Variants in DPYD observed in about 807,000 individuals in gnomAD.
DPYD encodes the protein dihydropyrimidine dehydrogenase.
DPYD carries 109 observed loss-of-function variants against 116.2 expected under a neutral mutation model. That is an observed-to-expected ratio of 0.94 (90% confidence interval 0.80 to 1.10). The LOEUF (loss-of-function observed/expected upper bound fraction) is 1.10. Among genes scored for constraint, DPYD ranks in the 50% least tolerant of loss-of-function variants. DPYD has a pLI of 0.00. For missense variants in DPYD, 1,302 were observed against 1,254.5 expected (o/e 1.04, Z -0.57); for synonymous variants, 440 against 432.0 (o/e 1.02, Z -0.23).
intron 12 of DPYD, chr1:97,545,695 A>G (rs375231311): frequency 1.7e-5 from 15 of 877,710 alleles, no homozygotes; most frequent in Non-Finnish European, 2.5e-5. Flanking sequence ...CTGTGAAACT[A>G]AAAACTGCCA....
At chr1:97,240,338 ACTAAATCCTT>A (rs1331340995) in intron 18 of DPYD, among the ~76,000 whole-genome samples, 2 of 151,990 alleles carry the variant, frequency 1.3e-5, no homozygotes, top group African/African-American at 4.8e-5. Flanking sequence ...ACTTCGCATG[ACTAAATCCTT>A]GAAGAAAAAA....
chr1:97,831,969 T>C (rs778637602), intron 2 of DPYD, among the ~76,000 whole-genome samples: 4 of 151,744 alleles, frequency 2.6e-5, no homozygotes. Flanking sequence ...CTCTAATTAA[T>C]TGGTAGAAAA....
At chr1:97,511,874 ATACAACAATCTAAG>A (rs1209035642) in intron 13 of DPYD, among the ~76,000 whole-genome samples, 1 of 151,956 alleles carries the variant, frequency 6.6e-6, no homozygotes, top group Non-Finnish European at 1.5e-5. Flanking sequence ...TTAAAGGCTT[ATACAACAATCTAAG>A]TCTTAAACCA....
chr1:97,809,243 T>A (rs183791455), intron 3 of DPYD, among the ~76,000 whole-genome samples: 1 of 152,188 alleles, frequency 6.6e-6, no homozygotes, highest in African/African-American at 2.4e-5. Flanking sequence ...CATTCTGAAA[T>A]TATCTGCAAT....
chr1:97,755,222 C>T (rs1303966651), intron 3 of DPYD, among the ~76,000 whole-genome samples: 1 of 152,130 alleles, frequency 6.6e-6, no homozygotes, highest in East Asian at 1.9e-4. Flanking sequence ...CTGCTCTAGT[C>T]TCCCCTAGAA....
intron 14 of DPYD, among the ~76,000 whole-genome samples, chr1:97,429,845 T>A (rs1261508350): frequency 1.3e-5 from 2 of 152,082 alleles, no homozygotes; most frequent in East Asian, 1.9e-4. Context: ...TTTCTCTGGA[T>A]TTAAGAGGAA....
chr1:97,672,992 C>A (rs927568284), intron 8 of DPYD, among the ~76,000 whole-genome samples: 1 of 152,056 alleles, frequency 6.6e-6, no homozygotes, highest in African/African-American at 2.4e-5. Context: ...AAGACTAATT[C>A]TTCTTGAGTA....
At chr1:97,557,384 T>C (rs1570955751) in intron 11 of DPYD, among the ~76,000 whole-genome samples, 1 of 143,000 alleles carries the variant, frequency 7.0e-6, no homozygotes, top group African/African-American at 2.6e-5. Context: ...CTCCGCTCAC[T>C]GTAACCTCCA....
intron 13 of DPYD, among the ~76,000 whole-genome samples, chr1:97,484,243 G>A (rs959409791): frequency 7.9e-5 from 12 of 152,212 alleles, no homozygotes; most frequent in African/African-American, 2.9e-4. Context: ...GGTGGAGGTT[G>A]CAGTGAGCGG....
intron 20 of DPYD, among the ~76,000 whole-genome samples, chr1:97,134,308 G>T (rs1653616091): frequency 6.6e-6 from 1 of 151,746 alleles, no homozygotes; most frequent in Non-Finnish European, 1.5e-5. Flanking sequence ...ATAAATATTT[G>T]CTTTCCTCTG....
Position 97,679,149 on chromosome 1 carries a change from T to C in DPYD, c.796A>G (p.Met266Val), listed in dbSNP as rs1430812531. 1.3e-6 allele frequency: 2 copies of C among 1,590,240 alleles called. No individual in the cohort carries two copies. Among genetic ancestry groups the C allele is most frequent in the Non-Finnish European group, 1.7e-6 (2 of 1,165,970 alleles). ...ICGKSLSVNE[M>V]TLSTLKEKGY... ...TTTTCTTTCAAAGTGCTAAGAGTCA[T>C]TTCATTCACTGAAAGGCTTTTACCG... The change falls in exon 8 of 23, where the codon ATG becomes GTG. Residue 266 changes from methionine to valine, a missense_variant. Physicochemically the swap from Met to Val is conservative, Grantham distance 21. Coordinates refer to ENST00000370192, the MANE Select transcript of DPYD (RefSeq NM_000110.4).
At chr1:97,913,483 G>T (rs1674065354) in intron 1 of DPYD, among the ~76,000 whole-genome samples, 1 of 152,084 alleles carries the variant, frequency 6.6e-6, no homozygotes, top group South Asian at 2.1e-4. Flanking sequence ...TTCCCACAAG[G>T]TCAGAGAGCA....
chr1:97,133,746 T>G (rs1275043738), intron 20 of DPYD, among the ~76,000 whole-genome samples: 1 of 151,654 alleles, frequency 6.6e-6, no homozygotes, highest in Non-Finnish European at 1.5e-5. Context: ...ACCTGTAATC[T>G]CAGCACTTTG....
At chr1:97,101,567 G>GT (rs1418301100) in intron 20 of DPYD, among the ~76,000 whole-genome samples, 2 of 151,332 alleles carry the variant, frequency 1.3e-5, no homozygotes, top group Admixed American at 1.3e-4. Flanking sequence ...GTTGGCCACT[G>GT]TGTGTGTGTG....
At chr1:97,681,038 C>G (rs1171089970) in intron 7 of DPYD, among the ~76,000 whole-genome samples, 3 of 152,106 alleles carry the variant, frequency 2.0e-5, no homozygotes, top group African/African-American at 7.2e-5. Context: ...GTAATTACAG[C>G]TACACTGAAT....
chr1:97,859,519 T>A (rs995323435), intron 2 of DPYD, among the ~76,000 whole-genome samples: 1 of 152,128 alleles, frequency 6.6e-6, no homozygotes, highest in Non-Finnish European at 1.5e-5. Flanking sequence ...AAACTGCATG[T>A]TTTTTACAAG....
At chr1:97,515,049 A>C (rs1380950868) in intron 13 of DPYD, among the ~76,000 whole-genome samples, 1 of 151,956 alleles carries the variant, frequency 6.6e-6, no homozygotes, top group Non-Finnish European at 1.5e-5. Flanking sequence ...AATGGTCTAA[A>C]AATGTTAAAG....
chr1:97,850,297 T>A (rs1460519784), intron 2 of DPYD, among the ~76,000 whole-genome samples: 1 of 152,238 alleles, frequency 6.6e-6, no homozygotes, highest in Non-Finnish European at 1.5e-5. Context: ...AATATTTTTG[T>A]ACCTTTCTTG....
intron 1 of DPYD, among the ~76,000 whole-genome samples, chr1:97,907,935 G>T (rs1673725599): frequency 6.6e-6 from 1 of 152,138 alleles, no homozygotes; most frequent in South Asian, 2.1e-4. Flanking sequence ...AATCTGTAGG[G>T]GAGAATTCTT....
Sources: allele counts gnomAD v4.1 joint callset (sites outside exome capture counted in the v4.1 genomes callset), GRCh38; gene constraint gnomAD v4.1.1; transcripts MANE v1.5; gene names NCBI Gene and HGNC (gene_info 2026-07-23, HGNC 2026-07-21).